The following TMSB15B variants were observed in gnomAD, a reference collection of about 807,000 sequenced individuals.
The protein encoded by TMSB15B is thymosin beta 15B, also known as thymosin beta-15B.
intron 1 of TMSB15B, among the ~76,000 whole-genome samples, chrX:103,930,596 C>T (rs1556319753): frequency 1.8e-5 from 2 of 109,968 alleles, no homozygotes; most frequent in African/African-American, 3.3e-5. Flanking sequence ...GTATAGCCTC[C>T]GGTTGCTGTC....
intron 1 of TMSB15B, among the ~76,000 whole-genome samples, chrX:103,924,873 G>T (rs782055442): frequency 8.1e-5 from 9 of 111,050 alleles, no homozygotes; most frequent in Non-Finnish European, 1.5e-4. Context: ...AGGTCCATTC[G>T]GTGGTCTGTA....
chrX:103,951,359 G>A (rs782645740), intron 1 of TMSB15B, among the ~76,000 whole-genome samples: 1 of 111,941 alleles, frequency 8.9e-6, no homozygotes, highest in Admixed American at 9.5e-5. Context: ...GTCTGTAGAA[G>A]TTCTCTTCTG....
intron 1 of TMSB15B, among the ~76,000 whole-genome samples, chrX:103,921,016 G>A (rs1448612792): frequency 8.9e-6 from 1 of 112,356 alleles, no homozygotes; most frequent in Non-Finnish European, 1.9e-5. Flanking sequence ...CTGATGCTTG[G>A]AAGCAAGTGA....
At chrX:103,936,095 C>T (rs1376547918) in intron 1 of TMSB15B, among the ~76,000 whole-genome samples, 1 of 110,985 alleles carries the variant, frequency 9.0e-6, no homozygotes, top group Non-Finnish European at 1.9e-5. Context: ...ATCCACCTGC[C>T]TCGGCCTCCC....
intron 1 of TMSB15B, among the ~76,000 whole-genome samples, chrX:103,935,081 C>G (rs2074993930): frequency 8.9e-6 from 1 of 112,644 alleles, no homozygotes; most frequent in African/African-American, 3.2e-5. Flanking sequence ...TTGCATTTCT[C>G]TAATGACCAA....
chrX:103,942,826 A>G (rs193234310), intron 1 of TMSB15B, among the ~76,000 whole-genome samples: 2 of 111,692 alleles, frequency 1.8e-5, no homozygotes, highest in East Asian at 2.8e-4. Flanking sequence ...ACTAATAGTA[A>G]AGCAGATTAT....
intron 1 of TMSB15B, among the ~76,000 whole-genome samples, chrX:103,956,003 A>G (rs1428070971): frequency 9.3e-6 from 1 of 107,734 alleles, no homozygotes; most frequent in Non-Finnish European, 1.9e-5. Context: ...ACATTCTTAA[A>G]GAAAAGAAAT....
intron 1 of TMSB15B, chrX:103,928,828 T>G: frequency 1.7e-6 from 2 of 1,200,813 alleles, no homozygotes; most frequent in Non-Finnish European, 2.3e-6. Context: ...CCATATTGGA[T>G]GGCAGAACAT....
intron 1 of TMSB15B, chrX:103,928,635 T>C (rs1468254542): frequency 1.1e-5 from 13 of 1,157,376 alleles, no homozygotes; most frequent in African/African-American, 1.8e-5. Context: ...GTTTCTGGCC[T>C]GTCCTGGCCA....
chrX:103,935,281 A>C (rs1373276662), intron 1 of TMSB15B, among the ~76,000 whole-genome samples: 1 of 111,929 alleles, frequency 8.9e-6, no homozygotes, highest in Admixed American at 9.5e-5. Flanking sequence ...ATTTCCCCCC[A>C]TTCTGTAGGT....
chrX:103,944,994 T>C (rs1556326914), intron 1 of TMSB15B, among the ~76,000 whole-genome samples: 1 of 111,775 alleles, frequency 8.9e-6, no homozygotes, highest in Non-Finnish European at 1.9e-5. Flanking sequence ...CCCAGGCTGG[T>C]CTCGAACTCC....
At chrX:103,942,050 C>T (rs782101068) in intron 1 of TMSB15B, among the ~76,000 whole-genome samples, 26 of 111,580 alleles carry the variant, frequency 2.3e-4, no homozygotes, top group Non-Finnish European at 4.7e-4. Context: ...ATATCTCTCC[C>T]CACTTTGTCA....
At chrX:103,951,372 G>A (rs1170057759) in intron 1 of TMSB15B, among the ~76,000 whole-genome samples, 11 of 111,726 alleles carry the variant, frequency 9.8e-5, no homozygotes, top group African/African-American at 3.6e-4. Flanking sequence ...CTCTTCTGAT[G>A]GCTTCAATTT....
chrX:103,934,707 A>G (rs1193685937), intron 1 of TMSB15B, among the ~76,000 whole-genome samples: 2 of 111,885 alleles, frequency 1.8e-5, no homozygotes, highest in Non-Finnish European at 3.8e-5. Context: ...TCCATGGTGT[A>G]TATATGCCAC....
chrX:103,947,854 T>TA (rs200419235), intron 1 of TMSB15B, among the ~76,000 whole-genome samples: 1,725 of 111,463 alleles, frequency 0.015, 22 homozygotes, highest in African/African-American at 0.053. Flanking sequence ...AGGAAACCTA[T>TA]AAAAAAATGC....
intron 1 of TMSB15B, among the ~76,000 whole-genome samples, chrX:103,952,716 C>T (rs1371480360): frequency 7.2e-5 from 8 of 111,352 alleles, no homozygotes; most frequent in African/African-American, 3.3e-5. Context: ...TATCATTAGT[C>T]GAGTTCTAAT....
chrX:103,945,027 C>T (rs1370706784), intron 1 of TMSB15B, among the ~76,000 whole-genome samples: 1 of 112,358 alleles, frequency 8.9e-6, no homozygotes, highest in South Asian at 3.7e-4. Flanking sequence ...ATCCACCAGC[C>T]TCGGCCTCCC....
At chrX:103,924,753 T>C (rs1855736656) in intron 1 of TMSB15B, among the ~76,000 whole-genome samples, 1 of 111,588 alleles carries the variant, frequency 9.0e-6, no homozygotes, top group Non-Finnish European at 1.9e-5. Context: ...AGGCTACCCA[T>C]GTGGACTAGA....
intron 1 of TMSB15B, among the ~76,000 whole-genome samples, chrX:103,939,143 C>A (rs149682766): frequency 9.0e-6 from 1 of 111,138 alleles, no homozygotes; most frequent in Non-Finnish European, 1.9e-5. Flanking sequence ...TGGGATTGTT[C>A]TTCTCGAGGA....
Sources: allele counts gnomAD v4.1 joint callset (sites outside exome capture counted in the v4.1 genomes callset), GRCh38; gene constraint gnomAD v4.1.1; transcripts MANE v1.5; gene names NCBI Gene and HGNC (gene_info 2026-07-23, HGNC 2026-07-21).